The following AGK variants were observed in gnomAD, a reference collection of about 807,000 sequenced individuals.
AGK encodes acylglycerol kinase, mitochondrial.
In AGK, 52 loss-of-function variants were observed where a neutral mutation model predicts 66.4. That is an observed-to-expected ratio of 0.78 (90% CI 0.63 to 0.99). The LOEUF is 0.99. AGK is among the 50% of genes least tolerant of loss of function. AGK has a pLI of 0.00. For missense variants in AGK, 451 were observed against 506.6 expected (o/e 0.89, Z 1.05); for synonymous variants, 182 against 181.1 (o/e 1.00, Z -0.04).
intron 2 of AGK, among the ~76,000 whole-genome samples, chr7:141,581,337 T>C (rs545872091): frequency 6.6e-6 from 1 of 151,850 alleles, no homozygotes; most frequent in East Asian, 1.9e-4. Context: ...TAATGGGTTG[T>C]GGAGGGAGGT....
intron 2 of AGK, among the ~76,000 whole-genome samples, chr7:141,573,550 AG>A (rs1264849887): frequency 1.3e-5 from 2 of 152,232 alleles, no homozygotes; most frequent in Non-Finnish European, 2.9e-5. Context: ...TGCTAAAACT[AG>A]ACCCTCTGTA....
At chr7:141,551,897 AG>A (rs1426196936) in intron 1 of AGK, among the ~76,000 whole-genome samples, 2 of 152,184 alleles carry the variant, frequency 1.3e-5, no homozygotes, top group Non-Finnish European at 2.9e-5. Flanking sequence ...TTCACTATCT[AG>A]TAAGAAAAAC....
intron 15 of AGK, 123 bp from the exon 16 acceptor site, chr7:141,652,664 G>A: frequency 9.7e-7 from 1 of 1,034,992 alleles, no homozygotes; most frequent in South Asian, 1.6e-5. Flanking sequence ...AGAACATTAG[G>A]ATAGCTCCTC....
chr7:141,574,587 T>C (rs1045646249), intron 2 of AGK, among the ~76,000 whole-genome samples: 1 of 152,222 alleles, frequency 6.6e-6, no homozygotes, highest in Non-Finnish European at 1.5e-5. Flanking sequence ...AGAACTATCC[T>C]CTGGTTAATG....
At chr7:141,552,888 A>G (rs1008080476) in intron 1 of AGK, among the ~76,000 whole-genome samples, 22 of 152,144 alleles carry the variant, frequency 1.4e-4, no homozygotes, top group African/African-American at 4.8e-4. Flanking sequence ...CTGTTAGATC[A>G]TACCCCCTTT....
At chr7:141,591,752 T>G (rs1278004227) in intron 2 of AGK, among the ~76,000 whole-genome samples, 3 of 152,262 alleles carry the variant, frequency 2.0e-5, no homozygotes, top group Admixed American at 1.3e-4. Context: ...GGTATTTGAT[T>G]TCTTAACTTT....
chr7:141,614,417 A>G (rs1280948097), intron 7 of AGK, among the ~76,000 whole-genome samples: 1 of 152,130 alleles, frequency 6.6e-6, no homozygotes, highest in Admixed American at 6.5e-5. Context: ...GTTATTTAAA[A>G]TTTTGTTATG....
chr7:141,613,464 C>T (rs1379990130), intron 6 of AGK, among the ~76,000 whole-genome samples: 1 of 151,982 alleles, frequency 6.6e-6, no homozygotes, highest in Non-Finnish European at 1.5e-5. Context: ...ACTAAAAGTA[C>T]AAAAATTAGC....
At chr7:141,585,536 A>G (rs907037955) in intron 2 of AGK, among the ~76,000 whole-genome samples, 3 of 152,212 alleles carry the variant, frequency 2.0e-5, no homozygotes, top group East Asian at 1.9e-4. Context: ...CTGTGTTTGC[A>G]TGCACCAAGG....
chr7:141,565,465 C>G (rs563552720), intron 2 of AGK, among the ~76,000 whole-genome samples: 1 of 151,872 alleles, frequency 6.6e-6, no homozygotes, highest in Non-Finnish European at 1.5e-5. Flanking sequence ...AGCCTGGCCA[C>G]CATGGCAAAA....
chr7:141,652,999 AT>A lies in AGK; in HGVS notation c.*76del. On this transcript the variant is annotated 3_prime_UTR_variant, in exon 16 of 16. Coordinates refer to ENST00000649286, the MANE Select transcript of AGK (RefSeq NM_018238.4). ...CCAAAAGGGAACAGGTGCCTCAGCCATCCCAACAGTGTCGTCAGAGGGTCCC... is the reference window on the plus strand; with the variant it reads ...CCAAAAGGGAACAGGTGCCTCAGCCACCCAACAGTGTCGTCAGAGGGTCCC... 1 of 1,578,254 alleles carries A rather than the reference AT, an allele frequency of 6.3e-7. No individual in the cohort carries two copies. Among genetic ancestry groups the A allele is most frequent in the Non-Finnish European group, 8.6e-7 (1 of 1,157,872 alleles).
At chr7:141,552,229 C>T (rs1795107626) in intron 1 of AGK, among the ~76,000 whole-genome samples, 3 of 152,178 alleles carry the variant, frequency 2.0e-5, no homozygotes, top group Non-Finnish European at 4.4e-5. Context: ...GTTCATTTTT[C>T]ATTCTGCTAT....
chr7:141,584,426 G>A (rs1795952023), intron 2 of AGK, among the ~76,000 whole-genome samples: 1 of 152,130 alleles, frequency 6.6e-6, no homozygotes, highest in Non-Finnish European at 1.5e-5. Context: ...GCTTAGCTTG[G>A]GCTCAGAAGC....
At chr7:141,611,101 T>G (rs188401369) in intron 5 of AGK, 94 bp from the exon 6 acceptor site, 1 of 694,350 alleles carries the variant, frequency 1.4e-6, no homozygotes, top group Non-Finnish European at 2.4e-6. Context: ...AGACAGTCAA[T>G]GTAAAACTTT....
chr7:141,551,554 G>C (rs1200748439), intron 1 of AGK, 120 bp downstream of exon 1: 3 of 152,694 alleles, frequency 2.0e-5, no homozygotes, highest in African/African-American at 7.2e-5. Context: ...GAGTCGCGCT[G>C]GGCCGAGAGC....
At chr7:141,634,729 T>C (rs750681022) in intron 10 of AGK, among the ~76,000 whole-genome samples, 2 of 152,102 alleles carry the variant, frequency 1.3e-5, no homozygotes, top group Non-Finnish European at 2.9e-5. Flanking sequence ...TTTCTTAAAA[T>C]CGAGGGCTTA....
chr7:141,620,071 C>G (rs1002822515), intron 8 of AGK, among the ~76,000 whole-genome samples: 1 of 152,044 alleles, frequency 6.6e-6, no homozygotes, highest in Non-Finnish European at 1.5e-5. Context: ...GAGAAAAAAA[C>G]TGAACTGGAA....
intron 5 of AGK, among the ~76,000 whole-genome samples, chr7:141,609,831 G>A (rs1248690726): frequency 6.6e-6 from 1 of 152,204 alleles, no homozygotes; most frequent in Non-Finnish European, 1.5e-5. Context: ...GCAAGATTGA[G>A]AGGGCCTTGC....
chr7:141,584,814 C>T (rs944748249), intron 2 of AGK, among the ~76,000 whole-genome samples: 1 of 152,180 alleles, frequency 6.6e-6, no homozygotes, highest in Non-Finnish European at 1.5e-5. Context: ...CTCTGTGGCC[C>T]TTATTTTCAC....
Sources: gnomAD v4.1 joint callset for allele counts (sites outside exome capture counted in the v4.1 genomes callset) on GRCh38, gnomAD v4.1.1 for gene constraint, MANE v1.5 for transcripts, NCBI Gene and HGNC (gene_info 2026-07-23, HGNC 2026-07-21) for gene names.